Variants in ARID4B observed in about 807,000 individuals in gnomAD.
The protein encoded by ARID4B is AT-rich interactive domain-containing protein 4B.
Under a neutral mutation model 147.5 loss-of-function variants are expected in ARID4B, and 26 were observed. That is an observed-to-expected ratio of 0.18 (90% CI 0.13 to 0.24). The LOEUF is 0.24. ARID4B is among the 10% of genes least tolerant of loss of function. ARID4B has a pLI of 1.00. For synonymous variants in ARID4B, 512 were observed against 507.9 expected, an observed-to-expected ratio of 1.01 and a Z score of -0.11; for missense variants, 1,179 against 1,511.5, an observed-to-expected ratio of 0.78 and a Z score of 3.65.
chr1:235,300,011 C>G (rs1052863197), intron 2 of ARID4B, among the ~76,000 whole-genome samples: 1 of 152,148 alleles, frequency 6.6e-6, no homozygotes, highest in African/African-American at 2.4e-5. Context: ...ACATGTTACT[C>G]TACCCTCGCT....
At chr1:235,279,456 C>T (rs181835464) in intron 2 of ARID4B, among the ~76,000 whole-genome samples, 6 of 152,136 alleles carry the variant, frequency 3.9e-5, no homozygotes, top group African/African-American at 7.2e-5. Flanking sequence ...AAATAAAATA[C>T]GGCCATAAAG....
intron 2 of ARID4B, among the ~76,000 whole-genome samples, chr1:235,322,332 G>T (rs533506158): frequency 1.3e-5 from 2 of 151,894 alleles, no homozygotes; most frequent in African/African-American, 4.8e-5. Flanking sequence ...GAAAATTTTC[G>T]ACTCCCTCAC....
At chr1:235,324,712 G>C (rs1477152521) in intron 2 of ARID4B, among the ~76,000 whole-genome samples, 4 of 152,208 alleles carry the variant, frequency 2.6e-5, no homozygotes, top group Non-Finnish European at 5.9e-5. Context: ...TAAGGCGGGA[G>C]AGTCACCTGA....
intron 23 of ARID4B, among the ~76,000 whole-genome samples, chr1:235,172,345 GAC>G (rs1663424002): frequency 6.6e-6 from 1 of 152,172 alleles, no homozygotes; most frequent in African/African-American, 2.4e-5. Flanking sequence ...GGGAGGCCAA[GAC>G]AGGTAGATCA....
chr1:235,253,389 A>C (rs963745790), intron 5 of ARID4B, among the ~76,000 whole-genome samples: 1 of 152,128 alleles, frequency 6.6e-6, no homozygotes, highest in African/African-American at 2.4e-5. Context: ...CCCCCTTCCC[A>C]GCTGTGACAA....
chr1:235,310,960 C>T (rs72758063), intron 2 of ARID4B, among the ~76,000 whole-genome samples: 19,932 of 152,042 alleles, frequency 0.13, 1,524 homozygotes, highest in African/African-American at 0.2. Flanking sequence ...TATAAGCCAC[C>T]GCACCCGGCC....
intron 2 of ARID4B, among the ~76,000 whole-genome samples, chr1:235,277,669 C>T (rs1434010149): frequency 1.5e-5 from 2 of 137,124 alleles, no homozygotes; most frequent in Non-Finnish European, 3.1e-5. Context: ...ACATTTTTCT[C>T]CTGATGACCT....
chr1:235,276,797 G>A (rs186661310), intron 2 of ARID4B, among the ~76,000 whole-genome samples: 4 of 152,164 alleles, frequency 2.6e-5, no homozygotes, highest in Non-Finnish European at 5.9e-5. Flanking sequence ...TCAGGAGTTT[G>A]AGACCAGCCT....
chr1:235,170,502 G>C (rs991685264), intron 23 of ARID4B, among the ~76,000 whole-genome samples: 1 of 151,984 alleles, frequency 6.6e-6, no homozygotes, highest in African/African-American at 2.4e-5. Context: ...ACTTTGGGAG[G>C]ACTAGGTGGG....
At chr1:235,282,808 G>A (rs770759119) in intron 2 of ARID4B, among the ~76,000 whole-genome samples, 104 of 151,874 alleles carry the variant, frequency 6.8e-4, no homozygotes, top group Non-Finnish European at 8.8e-4. Context: ...TTTTTGAGAC[G>A]GAGTCTCTGT....
chr1:235,172,254 T>G (rs1663418704), intron 23 of ARID4B, among the ~76,000 whole-genome samples: 1 of 151,850 alleles, frequency 6.6e-6, no homozygotes, highest in Non-Finnish European at 1.5e-5. Context: ...AACTGCAGAG[T>G]GAGAAATTCT....
At chr1:235,268,653 C>T (rs1051208484) in intron 2 of ARID4B, among the ~76,000 whole-genome samples, 4 of 152,150 alleles carry the variant, frequency 2.6e-5, no homozygotes, top group Non-Finnish European at 5.9e-5. Context: ...CCCAGCCTCC[C>T]AAGTAGCTGG....
At position 235,315,736 on chromosome 1, in the gene ARID4B, A is replaced by G. The variant is rs560532797; in HGVS notation, c.6+11178T>C. Among the ~76,000 whole-genome samples the G allele has an allele frequency of 1.3e-4, 20 of 152,336 alleles. No individual in the cohort carries two copies. The South Asian group carries it at 3.3e-3, about 25-fold the overall frequency. On this transcript the variant is annotated intron_variant, in intron 2 of 23. Transcript: ENST00000264183. ...TAGTTACAGGGATGTTGAATTCTAT[A>G]CTTACGTCTAACTGTATCCTAAAGC...
chr1:235,289,157 T>C (rs1672168313), intron 2 of ARID4B, among the ~76,000 whole-genome samples: 1 of 152,122 alleles, frequency 6.6e-6, no homozygotes, highest in South Asian at 2.1e-4. Context: ...TGGCCAAAAG[T>C]CCAGCTAAAT....
chr1:235,277,594 TTGTGTGTGTGTGTGTGTGTG>T lies in ARID4B; in HGVS notation c.7-16862_7-16843del, dbSNP rs71576468. Among the ~76,000 whole-genome samples, 78 of 129,620 alleles carry T rather than the reference TTGTGTGTGTGTGTGTGTGTG, an allele frequency of 6.0e-4. No homozygotes were observed. In the East Asian group the frequency reaches 0.01, roughly 17 times the overall value. 85.0% of individuals were successfully genotyped at this position (129,620 alleles called of 152,430 possible). On this transcript the variant is annotated intron_variant, in intron 2 of 23. Coordinates refer to ENST00000264183, the MANE Select transcript of ARID4B (RefSeq NM_016374.6). ...ATGAGACCATTTTTAATGCCTTATA[TTGTGTGTGTGTGTGTGTGTG>T]TGTGTGTGTGTGTGTGTGTGTGTGT...
At chr1:235,269,071 G>C (rs1229824722) in intron 2 of ARID4B, among the ~76,000 whole-genome samples, 2 of 152,168 alleles carry the variant, frequency 1.3e-5, no homozygotes, top group African/African-American at 4.8e-5. Context: ...CTTAAGATCT[G>C]TGTATTCCAC....
intron 19 of ARID4B, among the ~76,000 whole-genome samples, chr1:235,193,055 C>T (rs1665229452): frequency 1.3e-5 from 2 of 151,260 alleles, no homozygotes; most frequent in South Asian, 4.2e-4. Context: ...GATTGCGCCA[C>T]TGCACTCCAG....
chr1:235,178,555 G>A (rs1352384544), intron 20 of ARID4B, among the ~76,000 whole-genome samples: 5 of 151,878 alleles, frequency 3.3e-5, no homozygotes, highest in African/African-American at 1.2e-4. Context: ...TTTTCTTCAA[G>A]GACTAGCCCA....
At chr1:235,294,954 TAC>T (rs1411078002) in intron 2 of ARID4B, among the ~76,000 whole-genome samples, 10 of 151,534 alleles carry the variant, frequency 6.6e-5, no homozygotes, top group Admixed American at 2.0e-4. Context: ...CTGACATAAA[TAC>T]ACAGAGAATT....
Sources: gnomAD v4.1 joint callset for allele counts (sites outside exome capture counted in the v4.1 genomes callset) on GRCh38, gnomAD v4.1.1 for gene constraint, MANE v1.5 for transcripts, NCBI Gene and HGNC (gene_info 2026-07-23, HGNC 2026-07-21) for gene names.